The following THSD4 variants were observed in gnomAD, a reference collection of about 807,000 sequenced individuals.
THSD4 encodes thrombospondin type-1 domain-containing protein 4.
Under a neutral mutation model 119.0 loss-of-function variants are expected in THSD4, and 69 were observed. That is an observed-to-expected ratio of 0.58 (90% CI 0.48 to 0.71). The LOEUF (loss-of-function observed/expected upper bound fraction) is 0.71, where lower values mean the gene tolerates loss of function less well. Ranked by LOEUF, THSD4 falls within the 30% of genes least tolerant of loss-of-function variation. The probability of loss-of-function intolerance (pLI) is 0.00; values close to 1 mark genes in which losing one functional copy is unlikely to be tolerated. For missense variants in THSD4, 1,393 were observed against 1,391.1 expected (o/e 1.00, Z -0.02); for synonymous variants, 524 against 540.4 (o/e 0.97, Z 0.42).
chr15:71,441,843 G>A (rs946463256), intron 7 of THSD4, among the ~76,000 whole-genome samples: 15 of 152,106 alleles, frequency 9.9e-5, no homozygotes, highest in African/African-American at 2.9e-4. Flanking sequence ...TACTGACCCC[G>A]CAGGTTTGTG....
chr15:71,700,411 CT>C (rs1171491299), intron 8 of THSD4, among the ~76,000 whole-genome samples: 1 of 152,050 alleles, frequency 6.6e-6, no homozygotes, highest in Admixed American at 6.6e-5. Flanking sequence ...GAAAAACAAA[CT>C]TTACTAAAGG....
rs182326771 is a variant in THSD4, at chr15:71,674,312, G to T, written c.1357+13578G>T. On this transcript the variant is annotated intron_variant, in intron 8 of 17. Transcript: ENST00000261862. ...TTGCAGAGCTCTTATTTCCAGCTGG[G>T]ATGCTCTTGGACAAGTTCCTTAACT... Among the ~76,000 whole-genome samples the T allele has an allele frequency of 3.9e-5, 6 of 152,266 alleles. No homozygotes were observed. In the East Asian group the frequency reaches 1.2e-3, roughly 29 times the overall value.
intron 7 of THSD4, among the ~76,000 whole-genome samples, chr15:71,577,197 T>TG (rs2049465017): frequency 6.6e-6 from 1 of 152,200 alleles, no homozygotes; most frequent in Non-Finnish European, 1.5e-5. Context: ...AAGGAAATTT[T>TG]GTTTTGTATG....
At chr15:71,460,327 TGAAA>T (rs2047412080) in intron 7 of THSD4, among the ~76,000 whole-genome samples, 1 of 148,852 alleles carries the variant, frequency 6.7e-6, no homozygotes, top group Non-Finnish European at 1.5e-5. Context: ...TTTTTTTTTT[TGAAA>T]GCATGCCATT....
intron 8 of THSD4, among the ~76,000 whole-genome samples, chr15:71,703,997 C>T (rs1332556492): frequency 6.6e-6 from 1 of 152,034 alleles, no homozygotes; most frequent in Non-Finnish European, 1.5e-5. Flanking sequence ...TTACAGGCGC[C>T]CACCACCACG....
At chr15:71,644,675 T>C (rs1382505520) in intron 7 of THSD4, among the ~76,000 whole-genome samples, 1 of 152,202 alleles carries the variant, frequency 6.6e-6, no homozygotes, top group East Asian at 1.9e-4. Flanking sequence ...AAGATGGATA[T>C]CTTCATCTAT....
At chr15:71,753,999 G>C (rs759955468) in intron 14 of THSD4, among the ~76,000 whole-genome samples, 38 of 151,864 alleles carry the variant, frequency 2.5e-4, no homozygotes, top group Non-Finnish European at 5.4e-4. Flanking sequence ...AAGTTAGCTA[G>C]TCAGATGGAA....
At chr15:71,654,147 A>G (rs954636412) in intron 7 of THSD4, among the ~76,000 whole-genome samples, 12 of 152,156 alleles carry the variant, frequency 7.9e-5, no homozygotes, top group Non-Finnish European at 1.6e-4. Context: ...GTTCTAATAA[A>G]TCTTTATTTA....
At chr15:71,679,828 A>G (rs1197334749) in intron 8 of THSD4, among the ~76,000 whole-genome samples, 1 of 152,194 alleles carries the variant, frequency 6.6e-6, no homozygotes, top group Non-Finnish European at 1.5e-5. Flanking sequence ...CGGCTGCTGT[A>G]AAAAGGCCTG....
At chr15:71,249,050 C>G (rs576808730) in intron 5 of THSD4, among the ~76,000 whole-genome samples, 7 of 152,086 alleles carry the variant, frequency 4.6e-5, no homozygotes, top group Non-Finnish European at 1.0e-4. Flanking sequence ...GTCTTTCTGT[C>G]TTCTCAGACC....
chr15:71,258,727 A>G (rs988244359), intron 6 of THSD4, among the ~76,000 whole-genome samples: 1 of 152,160 alleles, frequency 6.6e-6, no homozygotes, highest in African/African-American at 2.4e-5. Flanking sequence ...CCACCACCCA[A>G]ATTGGTATTC....
intron 16 of THSD4, chr15:71,767,513 A>G (rs991165134): frequency 6.6e-6 from 1 of 152,234 alleles, no homozygotes; most frequent in Admixed American, 6.5e-5. Context: ...AAGGTAAATG[A>G]GTAATTAGAT....
At chr15:71,226,974 G>A (rs552455846) in intron 4 of THSD4, among the ~76,000 whole-genome samples, 8 of 152,260 alleles carry the variant, frequency 5.3e-5, no homozygotes, top group South Asian at 2.1e-4. Context: ...TCCCTGAATC[G>A]TTTGACAAGA....
upstream of THSD4, chr15:71,115,342 G>A (rs975064789): frequency 6.6e-6 from 1 of 152,614 alleles, no homozygotes; most frequent in Non-Finnish European, 1.5e-5. The surrounding 1 kb of genome is among the most constrained non-coding windows in gnomAD (Gnocchi z 4.4). Context: ...GGGGTCAGGG[G>A]TGCGGATGGG....
At chr15:71,746,074 G>C (rs933522623) in intron 12 of THSD4, among the ~76,000 whole-genome samples, 4 of 152,212 alleles carry the variant, frequency 2.6e-5, no homozygotes, top group Non-Finnish European at 5.9e-5. Flanking sequence ...GTGAGCATGG[G>C]CTGATGTCTC....
At chr15:71,299,817 CTTAT>C (rs2044918667) in intron 6 of THSD4, among the ~76,000 whole-genome samples, 1 of 151,858 alleles carries the variant, frequency 6.6e-6, no homozygotes, top group Non-Finnish European at 1.5e-5. Flanking sequence ...TCATACATTT[CTTAT>C]TTGTCAATTA....
At chr15:71,625,544 C>T (rs532980814) in intron 7 of THSD4, among the ~76,000 whole-genome samples, 232 of 152,310 alleles carry the variant, frequency 1.5e-3, no homozygotes, top group Non-Finnish European at 2.4e-3. Context: ...GTACTAGAGA[C>T]TATGATAAAT....
chr15:71,670,350 A>G (rs975355963), intron 8 of THSD4, among the ~76,000 whole-genome samples: 1 of 151,668 alleles, frequency 6.6e-6, no homozygotes, highest in African/African-American at 2.4e-5. Context: ...CTGTCCTGGC[A>G]ATAGTTTGCT....
intron 8 of THSD4, among the ~76,000 whole-genome samples, chr15:71,668,330 A>T (rs1326582939): frequency 6.6e-6 from 1 of 152,154 alleles, no homozygotes; most frequent in African/African-American, 2.4e-5. Flanking sequence ...GAAGACAGAA[A>T]GCAGATGGGA....
Sources: allele counts gnomAD v4.1 joint callset (sites outside exome capture counted in the v4.1 genomes callset), GRCh38; gene constraint gnomAD v4.1.1; non-coding constraint Gnocchi (gnomAD v3.1); transcripts MANE v1.5; gene names NCBI Gene and HGNC (gene_info 2026-07-23, HGNC 2026-07-21).